Variants in CNOT8 observed in about 807,000 individuals in gnomAD.
The protein encoded by CNOT8 is CAF1-like protein.
Under a neutral mutation model 34.6 loss-of-function variants are expected in CNOT8, and 18 were observed. The observed-to-expected ratio is 0.52, with a 90% CI of 0.36 to 0.77. The LOEUF (loss-of-function observed/expected upper bound fraction) is 0.77. CNOT8 is among the 30% of genes least tolerant of loss of function. The pLI, the probability that CNOT8 is intolerant of heterozygous loss-of-function variation, is 0.00. For missense variants in CNOT8, 189 were observed against 347.9 expected (o/e 0.54, Z 3.63); for synonymous variants, 101 against 118.8 (o/e 0.85, Z 0.98).
intron 3 of CNOT8, 170 bp from the exon 4 acceptor site, chr5:154,870,491 T>C (rs550165491): frequency 9.4e-5 from 46 of 491,874 alleles, no homozygotes; most frequent in African/African-American, 3.6e-4. Context: ...CACAGAAATA[T>C]GATCTACTTT....
In CNOT8 at chr5:154,872,661, C is replaced by G. The variant is rs1348007446; in HGVS notation, c.729+10C>G. 1 of 1,575,262 alleles carries G rather than the reference C, an allele frequency of 6.3e-7. No individual in the cohort carries two copies. Among genetic ancestry groups the G allele is most frequent in the African/African-American group, 1.3e-5 (1 of 74,124 alleles). ...CTTTAGGATGAAAGAGGTAAGCTTC[C>G]TTGAATGTGATCACAGGCCTCTCGG... On this transcript the variant is annotated intron_variant, in intron 6 of 6. Coordinates refer to ENST00000285896, the MANE Select transcript of CNOT8 (RefSeq NM_001301073.2).
At chr5:154,859,845 CAG>C (rs1761153937) in intron 1 of CNOT8, 1 of 152,226 alleles carries the variant, frequency 6.6e-6, no homozygotes, top group African/African-American at 2.4e-5. Context: ...CAGGTCAACA[CAG>C]AGCAGGGACT....
At chr5:154,862,218 T>G (rs1400164052) in intron 1 of CNOT8, among the ~76,000 whole-genome samples, 1 of 152,060 alleles carries the variant, frequency 6.6e-6, no homozygotes, top group Non-Finnish European at 1.5e-5. Context: ...TCTTTTTAAT[T>G]TATGTGTTTA....
intron 3 of CNOT8, among the ~76,000 whole-genome samples, chr5:154,869,626 GTTTTTTTTT>G: frequency 8.0e-6 from 1 of 124,358 alleles, no homozygotes; most frequent in Non-Finnish European, 1.7e-5. Context: ...GTTTTTTTGT[GTTTTTTTTT>G]TTTTTTTTGA....
At chr5:154,859,320 C>CCT (rs1178959133) in intron 1 of CNOT8, 1 of 152,092 alleles carries the variant, frequency 6.6e-6, no homozygotes, top group Non-Finnish European at 1.5e-5. Context: ...ATCTTGCGGG[C>CCT]CTCCCCCTTC....
chr5:154,864,626 T>C (rs535267537), intron 2 of CNOT8, among the ~76,000 whole-genome samples: 1 of 152,340 alleles, frequency 6.6e-6, no homozygotes, highest in South Asian at 2.1e-4. Context: ...TAGAATGTTC[T>C]TAATTGACTG....
rs73806916 is a variant in CNOT8, at chr5:154,872,295, C to G, written c.619-246C>G. On this transcript the variant is annotated intron_variant, in intron 5 of 6. Coordinates refer to ENST00000285896, the MANE Select transcript of CNOT8 (RefSeq NM_001301073.2). ...TTACTATTTCCTCAGCCTTGCAATT[C>G]TGATTTTAATGGCAGAGTTCTGGAA... Among the ~76,000 whole-genome samples the G allele has an allele frequency of 9.6e-3, 1,458 of 152,252 alleles. 22 individuals are homozygous for G. The highest frequency in any genetic ancestry group is 0.032 in the African/African-American group (1,343 of 41,540).
At chr5:154,872,684 C>A in intron 6 of CNOT8, 33 bp downstream of exon 6, 1 of 1,388,296 alleles carries the variant, frequency 7.2e-7, no homozygotes, top group Non-Finnish European at 1.0e-6. Flanking sequence ...ACAGGCCTCT[C>A]GGCAGTAACT....
intron 3 of CNOT8, chr5:154,870,413 G>T (rs1375874196): frequency 4.8e-5 from 12 of 251,410 alleles, no homozygotes; most frequent in South Asian, 6.6e-5. Context: ...TTTAAATAAT[G>T]AGCAAATGTA....
At chr5:154,867,554 T>G (rs1762017173) in intron 3 of CNOT8, 1 of 166,040 alleles carries the variant, frequency 6.0e-6, no homozygotes, top group Non-Finnish European at 1.3e-5. Flanking sequence ...ACTTTAAGGC[T>G]GGCTGTTGCT....
chr5:154,858,394 T>C (rs1041900296), upstream of CNOT8: 1 of 152,218 alleles, frequency 6.6e-6, no homozygotes, highest in Non-Finnish European at 1.5e-5. Context: ...CCCTGTTACT[T>C]CTGCTCCTGC....
At chr5:154,864,082 G>T (rs1761621917) in intron 2 of CNOT8, among the ~76,000 whole-genome samples, 1 of 152,128 alleles carries the variant, frequency 6.6e-6, no homozygotes, top group Admixed American at 6.6e-5. Context: ...TTTTACTCCA[G>T]TCCCGATTAC....
intron 3 of CNOT8, among the ~76,000 whole-genome samples, chr5:154,869,484 T>C (rs1290466382): frequency 6.7e-6 from 1 of 148,916 alleles, no homozygotes; most frequent in East Asian, 2.0e-4. Context: ...TTGTTCTGTC[T>C]CCTAGGCTGG....
intron 6 of CNOT8, among the ~76,000 whole-genome samples, 171 bp downstream of exon 6, chr5:154,872,822 G>A (rs1762603946): frequency 6.6e-6 from 1 of 152,230 alleles, no homozygotes; most frequent in African/African-American, 2.4e-5. Context: ...AGGCTGGAGT[G>A]CAGTGGTGCG....
intron 6 of CNOT8, among the ~76,000 whole-genome samples, chr5:154,873,115 A>C (rs1223069573): frequency 1.3e-5 from 2 of 152,174 alleles, no homozygotes; most frequent in African/African-American, 2.4e-5. Context: ...TATGCTGGCC[A>C]GGCTGGTCTC....
chr5:154,863,950 A>G (rs1356541902), intron 2 of CNOT8, among the ~76,000 whole-genome samples: 1 of 148,442 alleles, frequency 6.7e-6, no homozygotes, highest in African/African-American at 2.5e-5. Context: ...GGCATCTCTG[A>G]AAAAAAAAAA....
intron 6 of CNOT8, among the ~76,000 whole-genome samples, chr5:154,874,799 C>G (rs1028021915): frequency 1.3e-5 from 2 of 151,918 alleles, no homozygotes; most frequent in South Asian, 4.2e-4. Flanking sequence ...CCCCAAAGTG[C>G]TGGGATTACA....
chr5:154,865,930 C>G (rs565412684), intron 3 of CNOT8, among the ~76,000 whole-genome samples: 1 of 152,002 alleles, frequency 6.6e-6, no homozygotes, highest in Non-Finnish European at 1.5e-5. Context: ...TTGATAGACA[C>G]GTGGGTTTTT....
At chr5:154,869,688 G>A (rs953330874) in intron 3 of CNOT8, among the ~76,000 whole-genome samples, 10 of 148,058 alleles carry the variant, frequency 6.8e-5, no homozygotes, top group African/African-American at 2.5e-4. Context: ...GCAGTGGCGC[G>A]AGCTTGGCTC....
Sources: allele counts gnomAD v4.1 joint callset (sites outside exome capture counted in the v4.1 genomes callset), GRCh38; gene constraint gnomAD v4.1.1; transcripts MANE v1.5; gene names NCBI Gene and HGNC (gene_info 2026-07-23, HGNC 2026-07-21).